The following CATSPERT variants were observed in gnomAD, a reference collection of about 807,000 sequenced individuals.
The protein encoded by CATSPERT is catsper channel auxiliary subunit tau.
chr2:201,574,959 TG>T, the CATSPERT span, among the ~76,000 whole-genome samples: 2 of 150,516 alleles, frequency 1.3e-5, no homozygotes, highest in Admixed American at 1.3e-4. Context: ...CCTGAGGCTA[TG>T]CATGTCAAGG....
the CATSPERT span, chr2:201,618,849 G>A: frequency 1.3e-6 from 2 of 1,567,212 alleles, no homozygotes; most frequent in Admixed American, 1.7e-5. Flanking sequence ...CCCTCCAGGT[G>A]CCCTGCTGGC....
chr2:201,563,050 G>C, the CATSPERT span, among the ~76,000 whole-genome samples: 1 of 151,162 alleles, frequency 6.6e-6, no homozygotes, highest in Non-Finnish European at 1.5e-5. Flanking sequence ...CAGACGGGGT[G>C]GTGGCCGGGC....
chr2:201,501,139 C>T, the CATSPERT span, among the ~76,000 whole-genome samples: 1 of 152,044 alleles, frequency 6.6e-6, no homozygotes, highest in African/African-American at 2.4e-5. Context: ...TGGCTTATGC[C>T]TGTAATCCCA....
chr2:201,546,953 A>G, the CATSPERT span, among the ~76,000 whole-genome samples: 2 of 152,176 alleles, frequency 1.3e-5, no homozygotes, highest in Non-Finnish European at 2.9e-5. Context: ...AGAGAAAAGA[A>G]TGAAGTACTG....
the CATSPERT span, chr2:201,618,919 G>T: frequency 1.2e-6 from 2 of 1,613,766 alleles, no homozygotes. Flanking sequence ...CCGGTGCCCG[G>T]TGCCCTCCTG....
the CATSPERT span, chr2:201,487,484 C>T: frequency 7.8e-6 from 7 of 896,080 alleles, no homozygotes; most frequent in Non-Finnish European, 1.2e-5. Flanking sequence ...TGGTTGCTGA[C>T]TTCTGTCACA....
At chr2:201,614,080 T>C in the CATSPERT span, among the ~76,000 whole-genome samples, 1 of 152,208 alleles carries the variant, frequency 6.6e-6, no homozygotes. Context: ...AATCTATCTC[T>C]GATTGGTGTA....
chr2:201,493,423 G>A, the CATSPERT span: 9 of 1,536,984 alleles, frequency 5.9e-6, no homozygotes, highest in Non-Finnish European at 7.8e-6. Flanking sequence ...ATACTCTTGG[G>A]AATCCTTTAG....
chr2:201,546,049 T>TA, the CATSPERT span, among the ~76,000 whole-genome samples: 1 of 152,102 alleles, frequency 6.6e-6, no homozygotes, highest in Non-Finnish European at 1.5e-5. Flanking sequence ...CAAGGAGAAT[T>TA]ATAAGGTAAA....
the CATSPERT span, chr2:201,493,972 A>G: frequency 2.0e-6 from 3 of 1,536,958 alleles, no homozygotes; most frequent in Admixed American, 3.9e-5. Flanking sequence ...CCCTTCTGAA[A>G]GTGAATATTC....
chr2:201,541,017 G>A, the CATSPERT span, among the ~76,000 whole-genome samples: 1 of 152,196 alleles, frequency 6.6e-6, no homozygotes, highest in African/African-American at 2.4e-5. Context: ...TAAAACTTCA[G>A]TAGAGAAAGT....
the CATSPERT span, chr2:201,603,091 G>A: frequency 1.4e-6 from 1 of 701,250 alleles, no homozygotes; most frequent in Non-Finnish European, 2.3e-6. Flanking sequence ...AATAGTGAAT[G>A]AACAGTAGTG....
chr2:201,505,000 T>A, the CATSPERT span, among the ~76,000 whole-genome samples: 6 of 152,250 alleles, frequency 3.9e-5, no homozygotes, highest in Non-Finnish European at 8.8e-5. Flanking sequence ...TAAACACCCA[T>A]ATCCAGTTCT....
chr2:201,588,743 A>T, the CATSPERT span, among the ~76,000 whole-genome samples: 2 of 151,900 alleles, frequency 1.3e-5, no homozygotes, highest in Non-Finnish European at 2.9e-5. Flanking sequence ...TCAACATAGC[A>T]TTGGAAATCC....
chr2:201,601,940 A>T, the CATSPERT span: 2 of 1,296,952 alleles, frequency 1.5e-6, no homozygotes, highest in Non-Finnish European at 2.1e-6. Flanking sequence ...ACAATAATAC[A>T]TTATAAAATT....
chr2:201,492,083 A>T, the CATSPERT span: 1 of 1,528,494 alleles, frequency 6.5e-7, no homozygotes, highest in Non-Finnish European at 8.7e-7. Context: ...AAATTCTGTA[A>T]GGGAAAATAT....
At chr2:201,490,870 C>G in the CATSPERT span, among the ~76,000 whole-genome samples, 3 of 152,158 alleles carry the variant, frequency 2.0e-5, no homozygotes, top group African/African-American at 7.2e-5. Flanking sequence ...ACTGCAGGCG[C>G]CCGCCACCAT....
chr2:201,592,178 T>A, the CATSPERT span, among the ~76,000 whole-genome samples: 1 of 152,086 alleles, frequency 6.6e-6, no homozygotes, highest in Non-Finnish European at 1.5e-5. Context: ...TTATTGAGAG[T>A]TTTTAGCATG....
At chr2:201,516,066 C>T in the CATSPERT span, among the ~76,000 whole-genome samples, 1 of 152,208 alleles carries the variant, frequency 6.6e-6, no homozygotes, top group Non-Finnish European at 1.5e-5. Context: ...GTGTGGCCTA[C>T]TACACACCTA....
Sources: gnomAD v4.1 joint callset for allele counts (sites outside exome capture counted in the v4.1 genomes callset) on GRCh38, gnomAD v4.1.1 for gene constraint, MANE v1.5 for transcripts, NCBI Gene and HGNC (gene_info 2026-07-23, HGNC 2026-07-21) for gene names.